Variants in LYST observed in about 807,000 individuals in gnomAD.
The protein encoded by LYST is lysosomal-trafficking regulator.
A neutral mutation model predicts 413.6 loss-of-function variants in LYST; 192 were observed. The ratio of observed to expected loss-of-function variants is 0.46; its 90% CI spans 0.41 to 0.52. The LOEUF (loss-of-function observed/expected upper bound fraction) is 0.52, where lower values mean the gene tolerates loss of function less well. Among genes scored for constraint, LYST ranks in the 20% least tolerant of loss-of-function variants. LYST has a pLI of 0.00. For synonymous variants in LYST, 1,525 were observed against 1,567.3 expected, an observed-to-expected ratio of 0.97 and a Z score of 0.64; for missense variants, 3,815 against 4,499.9, an observed-to-expected ratio of 0.85 and a Z score of 4.35.
chr1:235,853,980 G>A (rs1258137154), intron 1 of LYST, among the ~76,000 whole-genome samples: 1 of 152,080 alleles, frequency 6.6e-6, no homozygotes, highest in Admixed American at 6.6e-5. Context: ...GAGAGAGACG[G>A]CATTTAAAGG....
chr1:235,729,783 T>TAA, intron 36 of LYST, 126 bp from the exon 37 acceptor site: 1 of 701,304 alleles, frequency 1.4e-6, no homozygotes, highest in South Asian at 1.6e-5. Context: ...TAGCATGAGG[T>TAA]ATCTTGTCGA....
intron 20 of LYST, among the ~76,000 whole-genome samples, chr1:235,768,181 C>T (rs1202408442): frequency 3.3e-5 from 5 of 152,080 alleles, no homozygotes; most frequent in Non-Finnish European, 7.4e-5. Flanking sequence ...ACAAAAACTA[C>T]AAAACTTACA....
At chr1:235,713,528 G>C (rs1269681132) in intron 42 of LYST, among the ~76,000 whole-genome samples, 1 of 152,152 alleles carries the variant, frequency 6.6e-6, no homozygotes, top group Non-Finnish European at 1.5e-5. Context: ...TAAACCTGTG[G>C]TTCTCAACCA....
In LYST at chr1:235,753,218, G is replaced by C. The variant is rs1235583744; in HGVS notation, c.7286C>G (p.Pro2429Arg). The C allele has an allele frequency of 1.9e-6, 3 of 1,610,898 alleles. No individual in the cohort carries two copies. Among genetic ancestry groups the C allele is most frequent in the Admixed American group, 1.7e-5 (1 of 59,966 alleles). Residue 2429 changes from proline to arginine, a missense_variant, in exon 26 of 53, where the codon CCT (proline) becomes CGT (arginine). Pro to Arg is a moderately radical substitution (Grantham distance 103). Around this residue, in one of 4 missense-constraint regions of LYST, gnomAD observed 771 missense variants for 837.1 expected, o/e 0.92. Transcript: ENST00000389793. The stretch of plus-strand genomic sequence containing the variant: ...AGAGGTCTCTATTAGTCCCAGAATA[G>C]GAATGACAGACCACTTCTGAAACAA... ...MGLFQKWSVI[P>R]ILGLIETSLY...
At chr1:235,680,691 T>C (rs112155750) in intron 48 of LYST, among the ~76,000 whole-genome samples, 6 of 151,946 alleles carry the variant, frequency 3.9e-5, no homozygotes, top group Non-Finnish European at 5.9e-5. Flanking sequence ...CTCCACCTCC[T>C]GGGTTCAAGT....
chr1:235,821,078 A>G (rs908353179), intron 3 of LYST, among the ~76,000 whole-genome samples: 4 of 152,228 alleles, frequency 2.6e-5, no homozygotes, highest in African/African-American at 7.2e-5. Context: ...TTAAAACATA[A>G]TATCAAATGG....
At position 235,781,785 on chromosome 1, in the gene LYST, C is replaced by T. The variant is rs7541506; in HGVS notation, c.5023+142G>A. The T allele has an allele frequency of 2.8e-3, 1,845 of 662,612 alleles. 16 individuals carry two copies. In the African/African-American group the frequency reaches 0.03, roughly 11 times the overall value. 41.0% of individuals were successfully genotyped at this position (662,612 alleles called of 1,614,324 possible). A position where few individuals can be genotyped will look rare whatever the true frequency, so the allele number is the denominator to read the frequency against. ...TACTTATTAAACACAAGTAAAGGAA[C>T]ATAGATGGATATTTTAGCCAGGTTA... is the stretch of plus-strand genomic sequence containing the variant. On this transcript the variant is annotated intron_variant, in intron 15 of 52. Transcript: ENST00000389793.
intron 3 of LYST, among the ~76,000 whole-genome samples, chr1:235,823,325 G>A (rs1228921139): frequency 6.6e-6 from 1 of 152,134 alleles, no homozygotes; most frequent in Non-Finnish European, 1.5e-5. Context: ...TGCATAGATA[G>A]AACTAGGTTT....
At chr1:235,710,092 A>G (rs12074720) in intron 43 of LYST, among the ~76,000 whole-genome samples, 5 of 152,356 alleles carry the variant, frequency 3.3e-5, no homozygotes, top group African/African-American at 1.2e-4. Flanking sequence ...AAAATTAAAA[A>G]TGACCTTTTA....
chr1:235,673,629 C>A (rs1429244301), intron 50 of LYST, among the ~76,000 whole-genome samples: 1 of 152,158 alleles, frequency 6.6e-6, no homozygotes, highest in East Asian at 1.9e-4. Flanking sequence ...CTACCTCTAG[C>A]AACTCTAACC....
chr1:235,773,105 T>C (rs1365374368), intron 19 of LYST, among the ~76,000 whole-genome samples: 1 of 152,038 alleles, frequency 6.6e-6, no homozygotes, highest in African/African-American at 2.4e-5. Context: ...TCACTTGAGC[T>C]CAGGAGTTCA....
At chr1:235,701,119 G>T (rs1006993799) in intron 45 of LYST, among the ~76,000 whole-genome samples, 6 of 152,140 alleles carry the variant, frequency 3.9e-5, no homozygotes, top group African/African-American at 4.8e-5. Flanking sequence ...GGAGCAAACT[G>T]GGGATATATC....
chr1:235,728,252 TC>T, intron 37 of LYST, 121 bp from the exon 38 acceptor site: 1 of 726,546 alleles, frequency 1.4e-6, no homozygotes, highest in East Asian at 2.6e-5. Flanking sequence ...TCGACACAGT[TC>T]CTGGCACTCA....
At chr1:235,818,184 G>A (rs1674382113) in intron 3 of LYST, among the ~76,000 whole-genome samples, 1 of 152,104 alleles carries the variant, frequency 6.6e-6, no homozygotes, top group Non-Finnish European at 1.5e-5. Flanking sequence ...AAGAAGGAGA[G>A]TGGCTGAAAC....
intron 45 of LYST, 51 bp downstream of exon 45, chr1:235,702,696 C>T: frequency 6.8e-7 from 1 of 1,464,036 alleles, no homozygotes; most frequent in Non-Finnish European, 9.6e-7. Context: ...CCTGGCATCA[C>T]AAGAGTCTAA....
chr1:235,702,072 T>G (rs1269559788), intron 45 of LYST, among the ~76,000 whole-genome samples: 1 of 152,242 alleles, frequency 6.6e-6, no homozygotes, highest in African/African-American at 2.4e-5. Flanking sequence ...CCCTTACCTT[T>G]TCATTTTCTG....
intron 1 of LYST, among the ~76,000 whole-genome samples, chr1:235,849,134 C>A (rs570335364): frequency 9.9e-5 from 15 of 152,194 alleles, no homozygotes; most frequent in Admixed American, 2.0e-4. Context: ...TACTAGCTAA[C>A]CAAATCCAAG....
chr1:235,799,869 C>T (rs541352966), intron 10 of LYST, among the ~76,000 whole-genome samples: 13 of 131,612 alleles, frequency 9.9e-5, no homozygotes, highest in Admixed American at 4.4e-4. Context: ...GAGGAACAAA[C>T]GAGATAATGC....
At chr1:235,689,072 C>G (rs528526435) in intron 47 of LYST, among the ~76,000 whole-genome samples, 1 of 150,612 alleles carries the variant, frequency 6.6e-6, no homozygotes, top group Non-Finnish European at 1.5e-5. Flanking sequence ...TGAATTTTCT[C>G]AAATCAAAGA....
Sources: allele counts gnomAD v4.1 joint callset (sites outside exome capture counted in the v4.1 genomes callset), GRCh38; gene constraint gnomAD v4.1.1; regional missense constraint gnomAD v4.1.1; transcripts MANE v1.5; gene names NCBI Gene and HGNC (gene_info 2026-07-23, HGNC 2026-07-21).